CSMD1: variants seen among roughly 807,000 people sequenced by gnomAD.
CSMD1 encodes the protein CUB and sushi domain-containing protein 1.
CSMD1 carries 213 observed loss-of-function variants against 417.5 expected under a neutral mutation model. That is an observed-to-expected ratio of 0.51 (90% CI 0.46 to 0.57). The LOEUF (loss-of-function observed/expected upper bound fraction) is 0.57. Ranked by LOEUF, CSMD1 falls within the 20% of genes least tolerant of loss-of-function variation. The pLI is 0.00. For missense variants in CSMD1, 6,923 were observed against 4,529.7 expected, an observed-to-expected ratio of 1.53 and a Z score of -15.17; for synonymous variants, 2,862 against 1,736.8, an observed-to-expected ratio of 1.65 and a Z score of -16.11.
intron 11 of CSMD1, among the ~76,000 whole-genome samples, chr8:3,476,125 T>C (rs1053021794): frequency 2.6e-5 from 4 of 152,176 alleles, no homozygotes; most frequent in African/African-American, 9.6e-5. Context: ...GGAAGACTAT[T>C]TGAGTCCAGG....
At chr8:3,562,365 C>CACACACATGCACACACACACACGT (rs1563156167) in intron 10 of CSMD1, among the ~76,000 whole-genome samples, 1 of 152,004 alleles carries the variant, frequency 6.6e-6, no homozygotes, top group African/African-American at 2.4e-5. Flanking sequence ...ATGGGACACA[C>CACACACATGCACACACACACACGT]ACACACATGC....
At chr8:3,539,532 C>G (rs1411639551) in intron 10 of CSMD1, among the ~76,000 whole-genome samples, 1 of 152,102 alleles carries the variant, frequency 6.6e-6, no homozygotes, top group Non-Finnish European at 1.5e-5. Context: ...CAAAGGTTCT[C>G]ATTTTAAACG....
At chr8:4,060,862 C>T (rs1044615248) in intron 3 of CSMD1, among the ~76,000 whole-genome samples, 2 of 152,046 alleles carry the variant, frequency 1.3e-5, no homozygotes, top group African/African-American at 4.8e-5. Context: ...GATGACCAGA[C>T]AGGAAGAAAA....
chr8:4,954,576 C>G (rs1808965603), intron 1 of CSMD1, among the ~76,000 whole-genome samples: 1 of 152,092 alleles, frequency 6.6e-6, no homozygotes, highest in Admixed American at 6.5e-5. Flanking sequence ...CACATTTTAT[C>G]TACTTAGAAC....
intron 3 of CSMD1, among the ~76,000 whole-genome samples, chr8:4,174,468 G>T (rs879696464): frequency 1.3e-5 from 2 of 151,588 alleles, no homozygotes; most frequent in Admixed American, 6.6e-5. Context: ...TAAATAATAG[G>T]TTTGGAAGGT....
At chr8:2,957,673 G>T (rs1171138635) in intron 63 of CSMD1, 23 bp downstream of exon 63, 1 of 1,387,436 alleles carries the variant, frequency 7.2e-7, no homozygotes, top group East Asian at 2.4e-5. Context: ...ACTTGTGATG[G>T]GGGTGGAAGA....
chr8:3,897,929 G>C (rs1242957678), intron 5 of CSMD1, among the ~76,000 whole-genome samples: 3 of 152,180 alleles, frequency 2.0e-5, no homozygotes, highest in Admixed American at 6.5e-5. Context: ...TGTATGTTTA[G>C]ATATAGTTAT....
At chr8:3,127,567 T>A (rs961276958) in intron 41 of CSMD1, 10 of 152,186 alleles carry the variant, frequency 6.6e-5, no homozygotes, top group African/African-American at 2.4e-4. Context: ...GAAAATCATT[T>A]CACATAAAAT....
intron 2 of CSMD1, among the ~76,000 whole-genome samples, chr8:4,619,394 C>A (rs1207884154): frequency 2.0e-5 from 3 of 152,128 alleles, no homozygotes; most frequent in Non-Finnish European, 4.4e-5. Flanking sequence ...GTGAGGATTT[C>A]TTTTCATGAA....
chr8:3,431,663 A>C (rs1814223943), intron 12 of CSMD1, among the ~76,000 whole-genome samples: 1 of 152,102 alleles, frequency 6.6e-6, no homozygotes, highest in Non-Finnish European at 1.5e-5. Context: ...TTCTCCCTTC[A>C]TGTTTCCGGT....
At chr8:3,384,960 TAA>T (rs1337525211) in intron 18 of CSMD1, among the ~76,000 whole-genome samples, 1 of 84,054 alleles carries the variant, frequency 1.2e-5, no homozygotes, top group African/African-American at 4.8e-5. Flanking sequence ...ATATAATATA[TAA>T]TATATATGCA....
intron 5 of CSMD1, among the ~76,000 whole-genome samples, chr8:3,852,854 C>G (rs537502555): frequency 6.6e-6 from 1 of 152,140 alleles, no homozygotes; most frequent in African/African-American, 2.4e-5. Context: ...TTCCTCTCAG[C>G]AGAATCAATC....
intron 6 of CSMD1, among the ~76,000 whole-genome samples, chr8:3,720,347 C>G (rs916549606): frequency 6.6e-6 from 1 of 152,150 alleles, no homozygotes; most frequent in African/African-American, 2.4e-5. Context: ...GTGACTTTGG[C>G]AACTCCTGAT....
intron 5 of CSMD1, among the ~76,000 whole-genome samples, chr8:3,923,065 G>A (rs1350685140): frequency 1.3e-5 from 2 of 152,130 alleles, no homozygotes; most frequent in Admixed American, 6.6e-5. Flanking sequence ...ACCCTTTTGT[G>A]TTCCTGGAGC....
At chr8:3,810,451 G>C (rs1801003265) in intron 5 of CSMD1, among the ~76,000 whole-genome samples, 1 of 152,098 alleles carries the variant, frequency 6.6e-6, no homozygotes, top group Admixed American at 6.5e-5. Flanking sequence ...GAGCACGGGA[G>C]GACCTGGGCA....
At chr8:3,460,786 C>T (rs1288321275) in intron 12 of CSMD1, among the ~76,000 whole-genome samples, 1 of 152,154 alleles carries the variant, frequency 6.6e-6, no homozygotes, top group African/African-American at 2.4e-5. Context: ...ATTATTTTCC[C>T]CGGCTGCTAG....
intron 7 of CSMD1, among the ~76,000 whole-genome samples, chr8:3,650,180 G>C (rs1244152137): frequency 6.6e-6 from 1 of 152,066 alleles, no homozygotes; most frequent in East Asian, 1.9e-4. Context: ...TGGGGAGGCT[G>C]AGGTAGGAGA....
chr8:3,162,179 C>A lies in CSMD1; in HGVS notation c.5824G>T (p.Glu1942Ter). The A allele has an allele frequency of 6.2e-7, 1 of 1,607,378 alleles. No individual in the cohort carries two copies. ...MVNDVLSFQC[E>*]PGYTLQGRSH... is the part of the protein sequence containing the mutation. The stretch of plus-strand genomic sequence containing the variant: ...GATACCTGCAGGGTGTACCCGGGCT[C>A]GCACTGGAAGGAGAGCACGTCGTTC... The change falls in exon 38 of 70, where the codon GAG becomes TAG. Residue 1942 changes from glutamate (E) to a stop codon, truncating the protein, a stop_gained. Coordinates refer to ENST00000635120, the MANE Select transcript of CSMD1 (RefSeq NM_033225.6). LOFTEE classifies it high-confidence loss of function.
At chr8:3,233,315 C>G (rs149437486) in intron 26 of CSMD1, among the ~76,000 whole-genome samples, 3 of 152,262 alleles carry the variant, frequency 2.0e-5, no homozygotes, top group Non-Finnish European at 4.4e-5. Context: ...GGAAGAGTGA[C>G]CTGAGCTGGC....
Sources: allele counts gnomAD v4.1 joint callset (sites outside exome capture counted in the v4.1 genomes callset), GRCh38; gene constraint gnomAD v4.1.1; transcripts MANE v1.5; gene names NCBI Gene and HGNC (gene_info 2026-07-23, HGNC 2026-07-21).